The following EIF3A variants were observed in gnomAD, a reference collection of about 807,000 sequenced individuals.
The protein encoded by EIF3A is EIF3, p180 subunit.
Under a neutral mutation model 186.6 loss-of-function variants are expected in EIF3A, and 21 were observed. The ratio of observed to expected loss-of-function variants is 0.11; its 90% confidence interval spans 0.08 to 0.16. The LOEUF (loss-of-function observed/expected upper bound fraction) is 0.16, where lower values mean the gene tolerates loss of function less well. Ranked by LOEUF, EIF3A falls within the 10% of genes least tolerant of loss-of-function variation. EIF3A has a pLI of 1.00. For synonymous variants in EIF3A, 563 were observed against 584.3 expected, an observed-to-expected ratio of 0.96 and a Z score of 0.52; for missense variants, 1,306 against 1,796.3, an observed-to-expected ratio of 0.73 and a Z score of 4.93.
intron 1 of EIF3A, among the ~76,000 whole-genome samples, chr10:119,075,714 T>G (rs1314121551): frequency 8.8e-6 from 1 of 113,736 alleles, no homozygotes; most frequent in Non-Finnish European, 1.9e-5. Context: ...AAAAAGACTT[T>G]TTTTTTTTTT....
At chr10:119,074,023 C>A (rs1432104118) in intron 1 of EIF3A, 86 bp from the exon 2 acceptor site, 35 of 1,164,350 alleles carry the variant, frequency 3.0e-5, no homozygotes, top group Non-Finnish European at 4.0e-5. Context: ...TTTCAATTCC[C>A]CAACTCATTA....
At chr10:119,078,233 T>C (rs995985622) in intron 1 of EIF3A, among the ~76,000 whole-genome samples, 1 of 152,112 alleles carries the variant, frequency 6.6e-6, no homozygotes, top group Admixed American at 6.6e-5. Context: ...AATGATATAA[T>C]ATGAAAAAGG....
chr10:119,077,049 T>C lies in EIF3A; in HGVS notation c.50-3112A>G, dbSNP rs148672045. On this transcript the variant is annotated intron_variant, in intron 1 of 21. Coordinates refer to ENST00000369144, the MANE Select transcript of EIF3A (RefSeq NM_003750.4). ...GAGTAAATGCGTTTAATGGAATTTATACTTTAAGAAAATCACAGCAGCAGC... is the reference window on the plus strand; with the variant it reads ...GAGTAAATGCGTTTAATGGAATTTACACTTTAAGAAAATCACAGCAGCAGC... Among the ~76,000 whole-genome samples, 171 of 152,214 alleles carry C rather than the reference T, an allele frequency of 1.1e-3. 2 individuals are homozygous for C. The East Asian group carries it at 0.027, about 24-fold the overall frequency.
chr10:119,056,888 A>C (rs1564754102), intron 13 of EIF3A, 35 bp from the exon 14 acceptor site: 4 of 1,595,618 alleles, frequency 2.5e-6, no homozygotes, highest in South Asian at 2.2e-5. Flanking sequence ...GTTTTAAAAA[A>C]TCTCTCTTAA....
chr10:119,036,154 C>CGGT lies in EIF3A; in HGVS notation c.4031_4033dup (p.Asp1344_Arg1345insHis). ...CTTCTCTTTTTCACCTTCTCTTTCT[C>CGGT]GGTCTCGGTCTCTTTCTCGGTCTCT... On this transcript the variant is annotated inframe_insertion, in exon 22 of 22. Transcript: ENST00000369144. 6.2e-7 allele frequency: 1 copy of CGGT among 1,613,816 alleles called. No individual in the cohort carries two copies. Among genetic ancestry groups the CGGT allele is most frequent in the Non-Finnish European group, 8.5e-7 (1 of 1,179,836 alleles).
In EIF3A at chr10:119,043,402, G is replaced by A. The variant is rs150277988; in HGVS notation, c.2748-630C>T. On this transcript the variant is annotated intron_variant, in intron 18 of 21. Coordinates refer to ENST00000369144, the MANE Select transcript of EIF3A (RefSeq NM_003750.4). ...TGCAGTGAGCCGAGAACGCGCCACT[G>A]CACTCCAGCCTGGGTGACAGAGCTA... Among the ~76,000 whole-genome samples the A allele has an allele frequency of 1.4e-4, 21 of 152,188 alleles. No individual in the cohort carries two copies. In the East Asian group the frequency reaches 4.1e-3, roughly 29 times the overall value.
chr10:119,052,019 C>G (rs1848363067), intron 14 of EIF3A, among the ~76,000 whole-genome samples: 1 of 152,164 alleles, frequency 6.6e-6, no homozygotes, highest in Non-Finnish European at 1.5e-5. Context: ...GATGGGGTGA[C>G]TATGGTATAA....
In EIF3A at chr10:119,036,280, A is replaced by C; in HGVS notation, c.3920-12T>G. 1 of 1,577,032 alleles carries C rather than the reference A, an allele frequency of 6.3e-7. No individual in the cohort carries two copies. Among genetic ancestry groups the C allele is most frequent in the Non-Finnish European group, 8.6e-7 (1 of 1,158,858 alleles). ...TCTCCAAGAACTTACTAAAAAGTTT[A>C]ATTAAAAAAAAAAAATTAAGTTAGT... On this transcript the variant is annotated splice_polypyrimidine_tract_variant and intron_variant, in intron 21 of 21. Coordinates refer to ENST00000369144, the MANE Select transcript of EIF3A (RefSeq NM_003750.4).
rs766341009 is a variant in EIF3A, at chr10:119,042,043, T to C, written c.3477A>G (p.Arg1159=). 13 of 1,614,066 alleles carry C rather than the reference T, an allele frequency of 8.1e-6. No individual in the cohort carries two copies. The South Asian group carries it at 1.4e-4, about 18-fold the overall frequency. Residue 1159 remains arginine (R), a synonymous_variant, in exon 19 of 22, where the codon AGA becomes AGG. Transcript: ENST00000369144. This position sits in a 1 kb window ranked among gnomAD's most constrained non-coding sequence, Gnocchi z 7.8. ...SRRADDDRFP[R]RGDDSRPGPW... ...GACCAGGTCTTGAGTCATCACCCCGTCTGGGAAACCGATCATCATCAGCAC... is the reference window on the plus strand; with the variant it reads ...GACCAGGTCTTGAGTCATCACCCCGCCTGGGAAACCGATCATCATCAGCAC...
intron 17 of EIF3A, among the ~76,000 whole-genome samples, chr10:119,045,627 A>G (rs1388246179): frequency 6.6e-6 from 1 of 152,242 alleles, no homozygotes; most frequent in Non-Finnish European, 1.5e-5. Flanking sequence ...TCTTATAGCC[A>G]TTAAACAAAC....
intron 7 of EIF3A, among the ~76,000 whole-genome samples, chr10:119,063,044 G>A (rs897112311): frequency 3.9e-5 from 6 of 151,914 alleles, no homozygotes; most frequent in Admixed American, 1.3e-4. Context: ...GTGAGCCACC[G>A]CGCCTAGCCA....
chr10:119,061,196 C>A, intron 8 of EIF3A, 28 bp downstream of exon 8: 1 of 1,321,186 alleles, frequency 7.6e-7, no homozygotes, highest in Non-Finnish European at 1.1e-6. Context: ...TCTGTGGTAA[C>A]AACCAGAACT....
In EIF3A at chr10:119,044,060, G is replaced by A. The variant is rs1294055850; in HGVS notation, c.2741C>T (p.Pro914Leu). 1 of 1,611,542 alleles carries A rather than the reference G, an allele frequency of 6.2e-7. No homozygotes were observed. The change falls in exon 18 of 22, where the codon CCA (proline) becomes CTA (leucine). Residue 914 changes from proline (P) to leucine (L), a missense_variant. Around this residue, in one of 8 missense-constraint regions of EIF3A, gnomAD observed 410 missense variants for 473.5 expected, o/e 0.87. Transcript: ENST00000369144. ...EADSEWRRGP[P>L]EKEWRRGEGR... is the part of the protein sequence containing the mutation. ...TTTCCTCAACTCTACTTACTTCTCT[G>A]GCGGGCCTCTTCTCCACTCAGAATC...
In EIF3A at chr10:119,036,128, C is replaced by T. The variant is rs915716740; in HGVS notation, c.4060G>A (p.Ala1354Thr). The T allele has an allele frequency of 6.2e-7, 1 of 1,613,832 alleles. No individual in the cohort carries two copies. The highest frequency in any genetic ancestry group is 2.2e-5 in the East Asian group (1 of 44,886). The change falls in exon 22 of 22, where the codon GCC (alanine) becomes ACC (threonine). Residue 1354 changes from alanine to threonine, a missense_variant. Around this residue, in one of 8 missense-constraint regions of EIF3A, gnomAD observed 331 missense variants for 365.8 expected, o/e 0.90. Transcript: ENST00000369144. ...CTATCTTTCTCAGCTCTCCATGAGG[C>T]CTTCTCTTTTTCACCTTCTCTTTCT... ...DREREGEKEK[A>T]SWRAEKDRES...
In EIF3A at chr10:119,065,455, C is replaced by A; in HGVS notation, c.1066G>T (p.Ala356Ser). ...GGGGCTTGAAGACCTAGTAGTGTTGCAAGGCGACGCTGTTTTTCAACTATA... is the reference window on the plus strand; with the variant it reads ...GGGGCTTGAAGACCTAGTAGTGTTGAAAGGCGACGCTGTTTTTCAACTATA... Reference protein sequence around the residue: ...GIIVEKQRRLATLLGLQAPPT... With the variant: ...GIIVEKQRRLSTLLGLQAPPT... Residue 356 changes from alanine (A) to serine (S), a missense_variant, in exon 7 of 22, where the codon GCA becomes TCA. Coordinates refer to ENST00000369144, the MANE Select transcript of EIF3A (RefSeq NM_003750.4). The A allele has an allele frequency of 1.2e-6, 2 of 1,613,918 alleles. No homozygotes were observed. The highest frequency in any genetic ancestry group is 1.3e-5 in the African/African-American group (1 of 75,034).
intron 9 of EIF3A, 40 bp downstream of exon 9, chr10:119,060,706 A>G (rs1724839499): frequency 6.8e-7 from 1 of 1,473,174 alleles, no homozygotes; most frequent in Admixed American, 2.0e-5. Flanking sequence ...CATGATGAGC[A>G]CATAACATCA....
chr10:119,062,843 G>A (rs1225828546), intron 7 of EIF3A, among the ~76,000 whole-genome samples: 1 of 149,678 alleles, frequency 6.7e-6, no homozygotes, highest in African/African-American at 2.5e-5. Flanking sequence ...TGCCTCCCGG[G>A]TTCAAGCGAT....
intron 17 of EIF3A, among the ~76,000 whole-genome samples, chr10:119,047,998 G>C (rs1180648813): frequency 6.6e-6 from 1 of 152,172 alleles, no homozygotes; most frequent in Non-Finnish European, 1.5e-5. Flanking sequence ...CGTGCAGACA[G>C]ATGCCACAGA....
chr10:119,072,555 C>T (rs1178860760), intron 4 of EIF3A, among the ~76,000 whole-genome samples: 1 of 152,126 alleles, frequency 6.6e-6, no homozygotes, highest in Non-Finnish European at 1.5e-5. Context: ...TGGGTTCAAG[C>T]GATCCTGCCA....
Sources: allele counts gnomAD v4.1 joint callset (sites outside exome capture counted in the v4.1 genomes callset), GRCh38; gene constraint gnomAD v4.1.1; regional missense constraint gnomAD v4.1.1; non-coding constraint Gnocchi (gnomAD v3.1); transcripts MANE v1.5; gene names NCBI Gene and HGNC (gene_info 2026-07-23, HGNC 2026-07-21).